The following SLC24A2 variants were observed in gnomAD, a reference collection of about 807,000 sequenced individuals.
SLC24A2 encodes the protein solute carrier family 24 member 2, also known as sodium/potassium/calcium exchanger 2.
In SLC24A2, 36 loss-of-function variants were observed where a neutral mutation model predicts 62.0. The observed-to-expected ratio is 0.58, with a 90% confidence interval of 0.44 to 0.77. The LOEUF (loss-of-function observed/expected upper bound fraction) is 0.77, where lower values mean the gene tolerates loss of function less well. SLC24A2 is among the 30% of genes least tolerant of loss of function. The pLI, the probability that SLC24A2 is intolerant of heterozygous loss-of-function variation, is 0.00. For missense variants in SLC24A2, 846 were observed against 817.9 expected (o/e 1.03, Z -0.42); for synonymous variants, 358 against 294.0 (o/e 1.22, Z -2.23).
chr9:20,214,807 A>T, the SLC24A2 span, among the ~76,000 whole-genome samples: 2 of 152,300 alleles, frequency 1.3e-5, no homozygotes, highest in Middle Eastern at 3.4e-3. Flanking sequence ...ACTGACATTC[A>T]CATAAAGCTT....
chr9:20,197,236 A>G, the SLC24A2 span, among the ~76,000 whole-genome samples: 1 of 152,178 alleles, frequency 6.6e-6, no homozygotes, highest in African/African-American at 2.4e-5. Context: ...GTTCCTTTAT[A>G]TAGAGAGGAT....
the SLC24A2 span, among the ~76,000 whole-genome samples, chr9:19,855,428 G>C: frequency 6.6e-6 from 1 of 152,140 alleles, no homozygotes; most frequent in Non-Finnish European, 1.5e-5. Context: ...GGTTGATAAT[G>C]GTTTTTCCTT....
At chr9:20,256,180 C>G in the SLC24A2 span, among the ~76,000 whole-genome samples, 2 of 152,204 alleles carry the variant, frequency 1.3e-5, no homozygotes, top group African/African-American at 4.8e-5. Flanking sequence ...AACACTGTTG[C>G]CTTGGGGATT....
At chr9:20,231,496 A>G in the SLC24A2 span, among the ~76,000 whole-genome samples, 1 of 152,084 alleles carries the variant, frequency 6.6e-6, no homozygotes, top group Non-Finnish European at 1.5e-5. Context: ...CTTTGAAGCA[A>G]TTGTGAATGG....
chr9:19,650,202 C>T (rs1381873956), intron 2 of SLC24A2, among the ~76,000 whole-genome samples: 3 of 152,110 alleles, frequency 2.0e-5, no homozygotes, highest in South Asian at 2.1e-4. Context: ...GCAACAGACT[C>T]GAAAGCTGAA....
the SLC24A2 span, among the ~76,000 whole-genome samples, chr9:20,069,420 T>C: frequency 0.073 from 11,158 of 152,280 alleles, 1,057 homozygotes; most frequent in East Asian, 0.47. Flanking sequence ...AAAATATTTT[T>C]ATTATAAACT....
chr9:20,151,625 C>A, the SLC24A2 span, among the ~76,000 whole-genome samples: 1 of 151,802 alleles, frequency 6.6e-6, no homozygotes, highest in Non-Finnish European at 1.5e-5. Flanking sequence ...AGTCACATGA[C>A]CCCACTTAAC....
At chr9:19,703,986 G>C (rs965098089) in intron 2 of SLC24A2, among the ~76,000 whole-genome samples, 2 of 152,156 alleles carry the variant, frequency 1.3e-5, no homozygotes, top group African/African-American at 2.4e-5. Context: ...CATCCTAGCA[G>C]GGCAATTGGA....
intron 9 of SLC24A2, among the ~76,000 whole-genome samples, chr9:19,525,515 C>G (rs1833405617): frequency 6.6e-6 from 1 of 150,736 alleles, no homozygotes; most frequent in South Asian, 2.1e-4. Flanking sequence ...ATGATCCTCC[C>G]CACTCAACCT....
At chr9:20,195,515 T>G in the SLC24A2 span, among the ~76,000 whole-genome samples, 1 of 152,216 alleles carries the variant, frequency 6.6e-6, no homozygotes, top group Non-Finnish European at 1.5e-5. Flanking sequence ...TTTAGTCTGT[T>G]TTTTAAATTG....
the SLC24A2 span, among the ~76,000 whole-genome samples, chr9:20,214,999 T>C: frequency 6.6e-6 from 1 of 152,236 alleles, no homozygotes; most frequent in Non-Finnish European, 1.5e-5. Flanking sequence ...TATCTGTACA[T>C]TCATTCAGGC....
the SLC24A2 span, among the ~76,000 whole-genome samples, chr9:19,936,372 C>T: frequency 1.3e-5 from 2 of 152,158 alleles, no homozygotes; most frequent in African/African-American, 4.8e-5. Context: ...CTCCCAGGCT[C>T]AAGCCATCCT....
At chr9:19,752,794 T>TAC (rs1205533544) in intron 2 of SLC24A2, among the ~76,000 whole-genome samples, 1 of 152,128 alleles carries the variant, frequency 6.6e-6, no homozygotes, top group East Asian at 1.9e-4. Context: ...CCCATGCCCA[T>TAC]ACTACAGATG....
the SLC24A2 span, among the ~76,000 whole-genome samples, chr9:20,211,343 T>A: frequency 6.6e-6 from 1 of 151,994 alleles, no homozygotes; most frequent in East Asian, 1.9e-4. Context: ...AGAAAAGCCA[T>A]CTCTACTAAA....
chr9:20,185,066 G>C, the SLC24A2 span, among the ~76,000 whole-genome samples: 1 of 152,126 alleles, frequency 6.6e-6, no homozygotes, highest in Non-Finnish European at 1.5e-5. Context: ...AAGCAGAGTA[G>C]AATGGTGGTT....
the SLC24A2 span, among the ~76,000 whole-genome samples, chr9:20,029,127 A>G: frequency 7.2e-5 from 11 of 152,074 alleles, no homozygotes; most frequent in Admixed American, 2.6e-4. Flanking sequence ...TGCAACTGTG[A>G]CCACAGCTAC....
the SLC24A2 span, among the ~76,000 whole-genome samples, chr9:20,162,710 A>C: frequency 1.3e-5 from 2 of 152,244 alleles, no homozygotes; most frequent in Non-Finnish European, 2.9e-5. Flanking sequence ...TCCTTGATGA[A>C]CATTGATGCA....
Position 19,642,671 on chromosome 9 carries a change from C to CTTTTTTT in SLC24A2, c.931-20379_931-20373dup, listed in dbSNP as rs71335440. ...AGAATGGTTTATATGAGAGCGTATT[C>CTTTTTTT]TTTTTTTTTTTTTTTTTTTTTTTTT... On this transcript the variant is annotated intron_variant, in intron 2 of 10. Coordinates refer to ENST00000341998, the MANE Select transcript of SLC24A2 (RefSeq NM_020344.4). Among the ~76,000 whole-genome samples the CTTTTTTT allele has an allele frequency of 1.0e-4, 8 of 79,850 alleles. 4 individuals carry two copies. Among genetic ancestry groups the CTTTTTTT allele is most frequent in the African/African-American group, 1.9e-4 (4 of 21,016 alleles). The allele number at this position is 79,850 out of a possible 152,430, so 52.4% of individuals were successfully genotyped here. A position where few individuals can be genotyped will look rare whatever the true frequency, so the allele number is the denominator to read the frequency against.
At chr9:20,193,767 T>C in the SLC24A2 span, among the ~76,000 whole-genome samples, 1 of 152,142 alleles carries the variant, frequency 6.6e-6, no homozygotes, top group African/African-American at 2.4e-5. Context: ...ATTCTGTGTA[T>C]CTACTGAAAG....
Sources: allele counts gnomAD v4.1 joint callset (sites outside exome capture counted in the v4.1 genomes callset), GRCh38; gene constraint gnomAD v4.1.1; transcripts MANE v1.5; gene names NCBI Gene and HGNC (gene_info 2026-07-23, HGNC 2026-07-21).